Variants in CPPED1 observed in about 807,000 individuals in gnomAD.
CPPED1 encodes calcineurin like phosphoesterase domain containing 1.
CPPED1 carries 28 observed loss-of-function variants against 28.0 expected under a neutral mutation model. The ratio of observed to expected loss-of-function variants is 1.00; its 90% CI spans 0.74 to 1.37. The LOEUF (loss-of-function observed/expected upper bound fraction) is 1.37, where lower values mean the gene tolerates loss of function less well. Ranked by LOEUF, CPPED1 falls within the 40% of genes most tolerant of loss-of-function variation. The pLI is 0.00. For missense variants in CPPED1, 504 were observed against 416.5 expected (o/e 1.21, Z -1.83); for synonymous variants, 198 against 180.2 (o/e 1.10, Z -0.79).
chr16:12,749,015 T>C (rs1405335827), intron 2 of CPPED1, among the ~76,000 whole-genome samples: 1 of 152,064 alleles, frequency 6.6e-6, no homozygotes, highest in Non-Finnish European at 1.5e-5. Flanking sequence ...TTTTTGCTAG[T>C]AGAGGGCCTT....
At chr16:12,681,144 T>C (rs1251945818) in intron 3 of CPPED1, among the ~76,000 whole-genome samples, 3 of 122,738 alleles carry the variant, frequency 2.4e-5, no homozygotes, top group Non-Finnish European at 4.8e-5. Context: ...CCGTAAAGAA[T>C]AGCCATGCGT....
intron 3 of CPPED1, among the ~76,000 whole-genome samples, chr16:12,673,356 A>G (rs1350288249): frequency 6.6e-6 from 1 of 152,190 alleles, no homozygotes; most frequent in Non-Finnish European, 1.5e-5. Context: ...ACTTAGCATT[A>G]TTATTTCTTT....
chr16:12,685,226 G>T (rs2079926657), intron 3 of CPPED1, among the ~76,000 whole-genome samples: 1 of 152,210 alleles, frequency 6.6e-6, no homozygotes, highest in Non-Finnish European at 1.5e-5. Context: ...TGAGTGGACA[G>T]ATCACCTGAG....
At chr16:12,674,190 A>C (rs1464325885) in intron 3 of CPPED1, among the ~76,000 whole-genome samples, 1 of 152,196 alleles carries the variant, frequency 6.6e-6, no homozygotes, top group African/African-American at 2.4e-5. Context: ...CTGCATGAAA[A>C]AAATGAAGCA....
rs1362438150 is a variant in CPPED1 at position 12,803,868 on chromosome 16, G to C, written c.-92C>G. On this transcript the variant is annotated 5_prime_UTR_variant, in exon 1 of 4. Coordinates refer to ENST00000381774, the MANE Select transcript of CPPED1 (RefSeq NM_018340.3). Reference sequence around the variant, plus strand: ...ACAACCGCTGGACCTGTCCCGCTTTGGGCGACGCCCTTTGATCTCGGGGCG... The same window carrying C: ...ACAACCGCTGGACCTGTCCCGCTTTCGGCGACGCCCTTTGATCTCGGGGCG... 1.8e-5 allele frequency: 22 copies of C among 1,249,888 alleles called. No individual in the cohort carries two copies. The highest frequency in any genetic ancestry group is 2.2e-5 in the Non-Finnish European group (20 of 920,628). The allele number at this position is 1,249,888 out of a possible 1,614,324, so 77.4% of individuals were successfully genotyped here.
chr16:12,710,047 T>G (rs1438788932), intron 2 of CPPED1, among the ~76,000 whole-genome samples: 2 of 151,684 alleles, frequency 1.3e-5, no homozygotes, highest in Non-Finnish European at 2.9e-5. Flanking sequence ...GCATACAGAT[T>G]AGAAAGAAAG....
intron 3 of CPPED1, among the ~76,000 whole-genome samples, chr16:12,688,491 A>AC (rs1339128939): frequency 2.0e-4 from 31 of 152,132 alleles, no homozygotes; most frequent in African/African-American, 7.5e-4. Context: ...GGCAGCCGCC[A>AC]CCACACCTGG....
chr16:12,776,297 T>C (rs1388391951), intron 2 of CPPED1, among the ~76,000 whole-genome samples: 2 of 152,180 alleles, frequency 1.3e-5, no homozygotes, highest in African/African-American at 4.8e-5. Context: ...CAGGTTCTTG[T>C]TGGACTTCTG....
chr16:12,728,054 C>T (rs185810708), intron 2 of CPPED1, among the ~76,000 whole-genome samples: 151 of 152,302 alleles, frequency 9.9e-4, no homozygotes, highest in African/African-American at 3.5e-3. Context: ...TTTACAATCA[C>T]GCTTCCTTCC....
Position 12,704,770 on chromosome 16 carries a change from C to G in CPPED1, c.569G>C (p.Ser190Thr). 1.9e-6 allele frequency: 3 copies of G among 1,614,226 alleles called. No homozygotes were observed. The highest frequency in any genetic ancestry group is 2.5e-6 in the Non-Finnish European group (3 of 1,180,042). The change falls in exon 3 of 4, where the codon AGC becomes ACC. Residue 190 changes from serine (S) to threonine (T), a missense_variant. Physicochemically the swap from Ser to Thr is moderately conservative, Grantham distance 58 (BLOSUM62 1). Coordinates refer to ENST00000381774, the MANE Select transcript of CPPED1 (RefSeq NM_018340.3). ...AQDQWLDEQL[S>T]IARQRHCQHA... ...CTGGCAGTGCCGCTGCCTCGCGATG[C>G]TCAGCTGCTCGTCCAGCCACTGGTC...
intron 2 of CPPED1, among the ~76,000 whole-genome samples, chr16:12,777,852 C>A (rs1343571449): frequency 3.3e-5 from 5 of 149,984 alleles, no homozygotes; most frequent in Non-Finnish European, 7.4e-5. Flanking sequence ...TAAGAAAAAG[C>A]ATATTATTAC....
intron 2 of CPPED1, among the ~76,000 whole-genome samples, chr16:12,734,057 CGT>C (rs2080213323): frequency 9.7e-6 from 1 of 102,978 alleles, no homozygotes; most frequent in Non-Finnish European, 1.8e-5. Flanking sequence ...TCAAATTACA[CGT>C]TTTTTTTTTT....
Position 12,769,258 on chromosome 16 carries a change from T to A in CPPED1, c.289+11927A>T, listed in dbSNP as rs145289333. Among the ~76,000 whole-genome samples the A allele has an allele frequency of 6.4e-3, 972 of 152,290 alleles. 9 individuals are homozygous for A. Among genetic ancestry groups the A allele is most frequent in the African/African-American group, 0.022 (897 of 41,560 alleles). ...GACCAACACATGAATTATTACTATA[T>A]CCAATAATTTAAAAAATATTTTGAT... On this transcript the variant is annotated intron_variant, in intron 2 of 3. Transcript: ENST00000381774.
chr16:12,747,058 A>T (rs1036606342), intron 2 of CPPED1, among the ~76,000 whole-genome samples: 67 of 151,156 alleles, frequency 4.4e-4, no homozygotes, highest in African/African-American at 1.4e-3. Flanking sequence ...CTCCCAAAAA[A>T]TAAAAAAAAA....
intron 2 of CPPED1, among the ~76,000 whole-genome samples, chr16:12,778,277 C>CTTTTTTTTT (rs371883790): frequency 6.0e-5 from 7 of 116,160 alleles, no homozygotes; most frequent in Non-Finnish European, 1.0e-4. Context: ...TTCTTTCTTT[C>CTTTTTTTTT]TTTTTTTTTT....
At chr16:12,773,482 G>A (rs1007068576) in intron 2 of CPPED1, among the ~76,000 whole-genome samples, 5 of 152,174 alleles carry the variant, frequency 3.3e-5, no homozygotes, top group African/African-American at 1.2e-4. Flanking sequence ...CAACACTTTG[G>A]GAGGACGAGG....
intron 1 of CPPED1, among the ~76,000 whole-genome samples, chr16:12,796,759 A>C (rs182690264): frequency 3.3e-5 from 5 of 152,312 alleles, no homozygotes; most frequent in Non-Finnish European, 5.9e-5. Context: ...AATACCCTTA[A>C]GAAGATGTGT....
At chr16:12,767,462 G>C (rs1475925027) in intron 2 of CPPED1, among the ~76,000 whole-genome samples, 1 of 152,136 alleles carries the variant, frequency 6.6e-6, no homozygotes, top group Non-Finnish European at 1.5e-5. Flanking sequence ...AGCCCAGCCA[G>C]GCAGACACGT....
intron 2 of CPPED1, among the ~76,000 whole-genome samples, chr16:12,718,538 T>TAAAA (rs61306353): frequency 8.5e-6 from 1 of 117,778 alleles, no homozygotes; most frequent in African/African-American, 3.3e-5. Flanking sequence ...GACTCTGTCT[T>TAAAA]AAAAAAAAAA....
Sources: allele counts gnomAD v4.1 joint callset (sites outside exome capture counted in the v4.1 genomes callset), GRCh38; gene constraint gnomAD v4.1.1; transcripts MANE v1.5; gene names NCBI Gene and HGNC (gene_info 2026-07-23, HGNC 2026-07-21).